ZNF469: variants seen among roughly 807,000 people sequenced by gnomAD.
ZNF469 encodes zinc finger protein 469.
In ZNF469, 1 loss-of-function variant was observed where a neutral mutation model predicts 1.0. The ratio of observed to expected loss-of-function variants is 1.00; its 90% CI spans 0.35 to 4.73. The LOEUF is 4.73. Among genes scored for constraint, ZNF469 ranks in the 30% most tolerant of loss-of-function variants. The pLI is 0.16. For synonymous variants in ZNF469, 2,703 were observed against 2,363.4 expected (o/e 1.14, Z -4.17); for missense variants, 6,100 against 5,356.3 (o/e 1.14, Z -4.33).
chr16:88,393,045 G>C (rs1019487063), intron 1 of ZNF469, among the ~76,000 whole-genome samples: 1 of 152,374 alleles, frequency 6.6e-6, no homozygotes. Flanking sequence ...GGCGTGTGTG[G>C]GTGGGTTGGT....
the ZNF469 span, among the ~76,000 whole-genome samples, chr16:88,321,827 C>A: frequency 6.6e-6 from 1 of 152,242 alleles, no homozygotes; most frequent in African/African-American, 2.4e-5. Flanking sequence ...CACCGCCATC[C>A]GGAGCATGAT....
chr16:88,104,088 C>A, the ZNF469 span, among the ~76,000 whole-genome samples: 5 of 151,854 alleles, frequency 3.3e-5, no homozygotes, highest in African/African-American at 1.2e-4. Context: ...GCCCACACAG[C>A]CCCGCAAGGC....
chr16:88,141,268 G>A, the ZNF469 span, among the ~76,000 whole-genome samples: 1 of 152,244 alleles, frequency 6.6e-6, no homozygotes, highest in African/African-American at 2.4e-5. Flanking sequence ...AGTTACATAA[G>A]AAGTTAAAGC....
Position 88,432,099 on chromosome 16 carries a change from T to A in ZNF469, c.4629T>A (p.Pro1543=). 6.4e-7 allele frequency: 1 copy of A among 1,550,452 alleles called. No homozygotes were observed. The highest frequency in any genetic ancestry group is 8.7e-7 in the Non-Finnish European group (1 of 1,146,986). ...TVVPGAAPSL[P]GKGSGCSVAL... ...TTCCCGGCGCCGCCCCATCTTTGCCTGGGAAGGGGAGTGGATGTAGCGTTG... is the reference window on the plus strand; with the variant it reads ...TTCCCGGCGCCGCCCCATCTTTGCCAGGGAAGGGGAGTGGATGTAGCGTTG... Residue 1543 remains proline (P), a synonymous_variant, in exon 3 of 3, where the codon CCT becomes CCA. Coordinates refer to ENST00000565624, the MANE Select transcript of ZNF469 (RefSeq NM_001367624.2).
intron 1 of ZNF469, among the ~76,000 whole-genome samples, chr16:88,400,648 T>G (rs1309319566): frequency 6.6e-6 from 1 of 151,922 alleles, no homozygotes; most frequent in Non-Finnish European, 1.5e-5. Flanking sequence ...GCCAGCTCTG[T>G]CCCCACAGTC....
At chr16:88,140,449 C>CGGAGCCGT in the ZNF469 span, among the ~76,000 whole-genome samples, 7 of 129,928 alleles carry the variant, frequency 5.4e-5, no homozygotes, top group African/African-American at 2.2e-4. Context: ...GACGGAGCCA[C>CGGAGCCGT]GTAGAAATCG....
chr16:88,361,743 T>C, the ZNF469 span, among the ~76,000 whole-genome samples: 2 of 152,228 alleles, frequency 1.3e-5, no homozygotes, highest in Admixed American at 1.3e-4. Context: ...TTTTCTCATA[T>C]GTTCTTGCTT....
the ZNF469 span, among the ~76,000 whole-genome samples, chr16:88,264,549 C>T: frequency 2.6e-5 from 4 of 151,154 alleles, no homozygotes; most frequent in East Asian, 5.9e-4. Context: ...CAGCCCTGGC[C>T]CCTCATCCCA....
the ZNF469 span, among the ~76,000 whole-genome samples, chr16:88,243,182 C>A: frequency 1.3e-5 from 2 of 152,186 alleles, no homozygotes; most frequent in Non-Finnish European, 2.9e-5. Flanking sequence ...CTCATAAGCT[C>A]CTCATGTGAC....
the ZNF469 span, among the ~76,000 whole-genome samples, chr16:88,183,019 T>TTATAACTCTTA: frequency 6.6e-6 from 1 of 152,204 alleles, no homozygotes; most frequent in African/African-American, 2.4e-5. Context: ...CCCACAATAT[T>TTATAACTCTTA]TAACTCTTAT....
the ZNF469 span, among the ~76,000 whole-genome samples, chr16:88,223,872 T>G: frequency 6.6e-6 from 1 of 152,222 alleles, no homozygotes; most frequent in Non-Finnish European, 1.5e-5. Context: ...AGGCCTCGCC[T>G]GTCTTACTGT....
chr16:88,106,605 C>T, the ZNF469 span, among the ~76,000 whole-genome samples: 4 of 152,268 alleles, frequency 2.6e-5, no homozygotes, highest in African/African-American at 7.2e-5. Flanking sequence ...GCACCCGGAG[C>T]AGCCCCCACT....
At chr16:88,130,180 TC>T in the ZNF469 span, among the ~76,000 whole-genome samples, 1 of 152,108 alleles carries the variant, frequency 6.6e-6, no homozygotes, top group Non-Finnish European at 1.5e-5. Context: ...GCTTGCAGCA[TC>T]GGGGTGCGTG....
chr16:88,153,266 G>A, the ZNF469 span, among the ~76,000 whole-genome samples: 6 of 152,148 alleles, frequency 3.9e-5, no homozygotes, highest in African/African-American at 1.2e-4. Context: ...GTGTCCCCTC[G>A]CCTTCGTGGG....
chr16:88,251,404 A>T, the ZNF469 span, among the ~76,000 whole-genome samples: 1 of 152,074 alleles, frequency 6.6e-6, no homozygotes, highest in Non-Finnish European at 1.5e-5. Flanking sequence ...TGTAGATGCT[A>T]TGTCGGCAGC....
chr16:88,155,067 C>T, the ZNF469 span, among the ~76,000 whole-genome samples: 7 of 152,302 alleles, frequency 4.6e-5, no homozygotes, highest in Admixed American at 1.3e-4. Flanking sequence ...CCAGCAGACC[C>T]GGGCACCACA....
the ZNF469 span, among the ~76,000 whole-genome samples, chr16:88,211,506 G>T: frequency 6.6e-6 from 1 of 152,008 alleles, no homozygotes; most frequent in South Asian, 2.1e-4. Context: ...TATTCCGAAC[G>T]TTGTTACTGA....
At chr16:88,215,977 C>T in the ZNF469 span, among the ~76,000 whole-genome samples, 21 of 151,980 alleles carry the variant, frequency 1.4e-4, no homozygotes, top group South Asian at 1.5e-3. Context: ...TTTACTTTCT[C>T]TTTGCTTTCT....
the ZNF469 span, among the ~76,000 whole-genome samples, chr16:88,130,870 G>A: frequency 1.3e-5 from 2 of 152,356 alleles, no homozygotes; most frequent in South Asian, 2.1e-4. Flanking sequence ...TGGCGGGCGC[G>A]TGGGAAGGCC....
Sources: gnomAD v4.1 joint callset for allele counts (sites outside exome capture counted in the v4.1 genomes callset) on GRCh38, gnomAD v4.1.1 for gene constraint, MANE v1.5 for transcripts, NCBI Gene and HGNC (gene_info 2026-07-23, HGNC 2026-07-21) for gene names.